The following TOPAZ1 variants were observed in gnomAD, a reference collection of about 807,000 sequenced individuals.
The protein encoded by TOPAZ1 is testis and ovary specific TOPAZ 1, also known as protein TOPAZ1.
A neutral mutation model predicts 172.2 loss-of-function variants in TOPAZ1; 66 were observed. The ratio of observed to expected loss-of-function variants is 0.38; its 90% CI spans 0.31 to 0.47. TOPAZ1 has a LOEUF of 0.47. TOPAZ1 is among the 20% of genes least tolerant of loss of function. The probability of loss-of-function intolerance (pLI) is 0.99; values close to 1 mark genes in which losing one functional copy is unlikely to be tolerated. For missense variants in TOPAZ1, 1,822 were observed against 1,972.4 expected, an observed-to-expected ratio of 0.92 and a Z score of 1.44; for synonymous variants, 681 against 683.9, an observed-to-expected ratio of 1.00 and a Z score of 0.07.
intron 4 of TOPAZ1, among the ~76,000 whole-genome samples, chr3:44,261,257 A>C (rs1233142794): frequency 6.6e-6 from 1 of 151,942 alleles, no homozygotes; most frequent in African/African-American, 2.4e-5. Context: ...GTTTTCTAAG[A>C]GTTCTAGGTT....
Position 44,244,067 on chromosome 3 carries a change from G to A in TOPAZ1, c.1561G>A (p.Gly521Arg), listed in dbSNP as rs2125675321. Residue 521 changes from glycine to arginine, a missense_variant, in exon 2 of 20, where the codon GGG becomes AGG. Around this residue, in one of 2 missense-constraint regions of TOPAZ1, gnomAD observed 1,489 missense variants for 1,490.8 expected, o/e 1.00. Transcript: ENST00000309765. ...SLPESSYFLR[G>R]SQESCRQVDV... ...GCCAGAATCAAGTTACTTTCTTCGTGGGTCTCAGGAAAGTTGTAGGCAAGT... is the reference window on the plus strand; with the variant it reads ...GCCAGAATCAAGTTACTTTCTTCGTAGGTCTCAGGAAAGTTGTAGGCAAGT... The A allele has an allele frequency of 6.4e-7, 1 of 1,551,698 alleles. No individual in the cohort carries two copies. The highest frequency in any genetic ancestry group is 1.2e-5 in the South Asian group (1 of 84,038).
At chr3:44,311,714 T>A (rs1700399466) in intron 16 of TOPAZ1, among the ~76,000 whole-genome samples, 1 of 152,198 alleles carries the variant, frequency 6.6e-6, no homozygotes, top group African/African-American at 2.4e-5. Flanking sequence ...AATTTTTTAA[T>A]TCTTAAAAGG....
chr3:44,287,500 T>C lies in TOPAZ1; in HGVS notation c.3548T>C (p.Val1183Ala). Reference protein sequence around the residue: ...SLLKHCLLKEVFQIVNLSIMV... With the variant: ...SLLKHCLLKEAFQIVNLSIMV... ...CTCAAACATTGTTTGTTGAAAGAAG[T>C]ATTTCAGATAGTGAACCTCAGCATA... The change falls in exon 10 of 20, where the codon GTA (valine) becomes GCA (alanine). Residue 1183 changes from valine to alanine, a missense_variant. Around this residue, in one of 2 missense-constraint regions of TOPAZ1, gnomAD observed 1,489 missense variants for 1,490.8 expected, o/e 1.00. Transcript: ENST00000309765. 1 of 1,526,082 alleles carries C rather than the reference T, an allele frequency of 6.6e-7. No individual in the cohort carries two copies. Among genetic ancestry groups the C allele is most frequent in the Non-Finnish European group, 8.8e-7 (1 of 1,136,144 alleles). 94.5% of individuals were successfully genotyped at this position (1,526,082 alleles called of 1,614,324 possible).
Position 44,290,812 on chromosome 3 carries a change from C to A in TOPAZ1, c.3723C>A (p.Asn1241Lys). 6.5e-7 allele frequency: 1 copy of A among 1,550,294 alleles called. No individual in the cohort carries two copies. The highest frequency in any genetic ancestry group is 1.2e-5 in the South Asian group (1 of 83,754). Residue 1241 changes from asparagine to lysine, a missense_variant, in exon 12 of 20, where the codon AAC (asparagine) becomes AAA (lysine). Coordinates refer to ENST00000309765, the MANE Select transcript of TOPAZ1 (RefSeq NM_001145030.2). ...AGMVLDPEHF[N>K]YIVKLLYQVQ... ...TGGTGCTTGACCCAGAGCACTTTAACTATATTGTTAAGCTTTTATACCAAG... is the reference window on the plus strand; with the variant it reads ...TGGTGCTTGACCCAGAGCACTTTAAATATATTGTTAAGCTTTTATACCAAG...
At chr3:44,297,373 A>G (rs934832309) in intron 12 of TOPAZ1, among the ~76,000 whole-genome samples, 1 of 145,466 alleles carries the variant, frequency 6.9e-6, no homozygotes, top group Admixed American at 6.8e-5. Flanking sequence ...TCATATCTAC[A>G]ACATAAGAAG....
Position 44,256,988 on chromosome 3 carries a change from T to C in TOPAZ1, c.2955+710T>C, listed in dbSNP as rs1575707762. On this transcript the variant is annotated intron_variant, in intron 4 of 19. Transcript: ENST00000309765. Reference sequence around the variant, plus strand: ...TACTTCCACTATATGTGTATGTATGTACAAGTATGTATGTATGTACAAGTA... The same window carrying C: ...TACTTCCACTATATGTGTATGTATGCACAAGTATGTATGTATGTACAAGTA... Among the ~76,000 whole-genome samples, 3 of 151,918 alleles carry C rather than the reference T, an allele frequency of 2.0e-5. No homozygotes were observed. The East Asian group carries it at 5.8e-4, about 29-fold the overall frequency.
rs143550321 is a variant in TOPAZ1 at position 44,282,650 on chromosome 3, G to T, written c.3436+619G>T. Among the ~76,000 whole-genome samples, 622 of 152,224 alleles carry T rather than the reference G, an allele frequency of 4.1e-3. 9 individuals are homozygous for T. The highest frequency in any genetic ancestry group is 0.014 in the African/African-American group (594 of 41,534). On this transcript the variant is annotated intron_variant, in intron 9 of 19. Coordinates refer to ENST00000309765, the MANE Select transcript of TOPAZ1 (RefSeq NM_001145030.2). ...CTTCTCCCCATACTAATAGTGAGCTGCAAGAAGATAGACACCATGCTTAAT... is the reference window on the plus strand; with the variant it reads ...CTTCTCCCCATACTAATAGTGAGCTTCAAGAAGATAGACACCATGCTTAAT...
Position 44,244,800 on chromosome 3 carries a change from A to C in TOPAZ1, c.2294A>C (p.Lys765Thr). ...AGTTCTGACTCATTCTACAATAAGAAATCCTATAGTATTTCTCCAAGCTTT... is the reference window on the plus strand; with the variant it reads ...AGTTCTGACTCATTCTACAATAAGACATCCTATAGTATTTCTCCAAGCTTT... ...QASSDSFYNK[K>T]SYSISPSFTK... The change falls in exon 2 of 20, where the codon AAA (lysine) becomes ACA (threonine). Residue 765 changes from lysine (K) to threonine (T), a missense_variant. Coordinates refer to ENST00000309765, the MANE Select transcript of TOPAZ1 (RefSeq NM_001145030.2). The C allele has an allele frequency of 6.4e-7, 1 of 1,551,610 alleles. No homozygotes were observed. The highest frequency in any genetic ancestry group is 1.2e-5 in the South Asian group (1 of 84,062).
intron 17 of TOPAZ1, among the ~76,000 whole-genome samples, chr3:44,322,441 G>T (rs1700548524): frequency 6.6e-6 from 1 of 152,174 alleles, no homozygotes; most frequent in Admixed American, 6.5e-5. Flanking sequence ...AGTTACATGT[G>T]GGAATCAAAT....
Position 44,267,056 on chromosome 3 carries a change from C to T in TOPAZ1, c.3080C>T (p.Pro1027Leu), listed in dbSNP as rs917089887. The change falls in exon 6 of 20, where the codon CCG (proline) becomes CTG (leucine). Residue 1027 changes from proline (P) to leucine (L), a missense_variant. Pro to Leu is a moderately conservative substitution (Grantham distance 98). Around this residue, in one of 2 missense-constraint regions of TOPAZ1, gnomAD observed 1,489 missense variants for 1,490.8 expected, o/e 1.00. Transcript: ENST00000309765. Reference sequence around the variant, plus strand: ...GAATGTCAATTTGCAGTACCAGTCCCGAAACCTCTGTGTTTATTAGTACCT... The same window carrying T: ...GAATGTCAATTTGCAGTACCAGTCCTGAAACCTCTGTGTTTATTAGTACCT... ...VGECQFAVPV[P>L]KPLCLLVPPL... is the part of the protein sequence containing the mutation. 5.2e-6 allele frequency: 8 copies of T among 1,549,818 alleles called. No individual in the cohort carries two copies. The highest frequency in any genetic ancestry group is 4.1e-5 in the African/African-American group (3 of 72,978).
chr3:44,245,278 A>C lies in TOPAZ1; in HGVS notation c.2765+7A>C. On this transcript the variant is annotated splice_region_variant and intron_variant, in intron 2 of 19. Transcript: ENST00000309765. ...AACCAAGTGATGACTTAAGGTATGCATGTTCAAGTATTCCTTTTAGTGCAG... is the reference window on the plus strand; with the variant it reads ...AACCAAGTGATGACTTAAGGTATGCCTGTTCAAGTATTCCTTTTAGTGCAG... 6.6e-7 allele frequency: 1 copy of C among 1,515,528 alleles called. No homozygotes were observed. Among genetic ancestry groups the C allele is most frequent in the South Asian group, 1.3e-5 (1 of 77,262 alleles). 93.9% of individuals were successfully genotyped at this position (1,515,528 alleles called of 1,614,324 possible). A position where few individuals can be genotyped will look rare whatever the true frequency, so the allele number is the denominator to read the frequency against.
chr3:44,244,131 C>T lies in TOPAZ1; in HGVS notation c.1625C>T (p.Thr542Ile). ...CACCAAACAAACCAGACCCATTTAA[C>T]TGACTCCAAATTATTATTACAAAGT... ...PKHQTNQTHLTDSKLLLQSSL... is the reference protein window; with the variant it reads ...PKHQTNQTHLIDSKLLLQSSL... Residue 542 changes from threonine (T) to isoleucine (I), a missense_variant, in exon 2 of 20, where the codon ACT becomes ATT. Thr to Ile is a moderately conservative substitution (Grantham distance 89). Transcript: ENST00000309765. The T allele has an allele frequency of 6.4e-7, 1 of 1,551,596 alleles. No homozygotes were observed. The highest frequency in any genetic ancestry group is 8.7e-7 in the Non-Finnish European group (1 of 1,146,900).
At chr3:44,256,432 C>T (rs1699704536) in intron 4 of TOPAZ1, among the ~76,000 whole-genome samples, 154 bp downstream of exon 4, 1 of 152,118 alleles carries the variant, frequency 6.6e-6, no homozygotes, top group South Asian at 2.1e-4. Context: ...TCCCTTGATA[C>T]TTGGTGTAAG....
At chr3:44,333,996 A>T (rs1205828411), downstream of TOPAZ1, among the ~76,000 whole-genome samples, 1 of 152,170 alleles carries the variant, frequency 6.6e-6, no homozygotes, top group Non-Finnish European at 1.5e-5. Context: ...AAATGATTAT[A>T]TTTGTAGACA....
intron 4 of TOPAZ1, among the ~76,000 whole-genome samples, chr3:44,257,175 T>A (rs968509489): frequency 2.9e-4 from 44 of 150,758 alleles, no homozygotes; most frequent in Middle Eastern, 3.4e-3. Flanking sequence ...CAAAAAAAAA[T>A]TTTTTTTTAA....
downstream of TOPAZ1, among the ~76,000 whole-genome samples, chr3:44,335,788 T>C (rs953476556): frequency 6.6e-6 from 1 of 152,224 alleles, no homozygotes; most frequent in African/African-American, 2.4e-5. Flanking sequence ...GTTTAGAGCA[T>C]GCTTCATCTC....
chr3:44,310,140 A>G (rs2125701410), intron 16 of TOPAZ1, 150 bp downstream of exon 16: 1 of 662,986 alleles, frequency 1.5e-6, no homozygotes, highest in South Asian at 2.3e-5. Context: ...TGTCATGTAA[A>G]CTGAAAGGGG....
At chr3:44,282,513 C>T (rs78676010) in intron 9 of TOPAZ1, among the ~76,000 whole-genome samples, 2 of 152,284 alleles carry the variant, frequency 1.3e-5, no homozygotes, top group African/African-American at 4.8e-5. Context: ...ATCCCATTTC[C>T]TCATGGCAAA....
intron 8 of TOPAZ1, among the ~76,000 whole-genome samples, chr3:44,276,041 T>C (rs542501256): frequency 1.3e-5 from 2 of 150,978 alleles, no homozygotes; most frequent in Non-Finnish European, 2.9e-5. Context: ...CACTTTTTAA[T>C]GAGATTATTT....
Sources: gnomAD v4.1 joint callset for allele counts (sites outside exome capture counted in the v4.1 genomes callset) on GRCh38, gnomAD v4.1.1 for gene constraint, gnomAD v4.1.1 regional missense constraint, MANE v1.5 for transcripts, NCBI Gene and HGNC (gene_info 2026-07-23, HGNC 2026-07-21) for gene names.